Variants in PHKA1 observed in about 807,000 individuals in gnomAD.
PHKA1 encodes the protein phosphorylase b kinase regulatory subunit alpha, skeletal muscle isoform.
In PHKA1, 60 loss-of-function variants were observed where a neutral mutation model predicts 110.2. The observed-to-expected ratio is 0.54, with a 90% CI of 0.44 to 0.68. PHKA1 has a LOEUF of 0.68. PHKA1 is among the 30% of genes least tolerant of loss of function. The pLI, the probability that PHKA1 is intolerant of heterozygous loss-of-function variation, is 0.00. For synonymous variants in PHKA1, 316 were observed against 333.6 expected (o/e 0.95, Z 0.58); for missense variants, 801 against 942.5 (o/e 0.85, Z 1.97).
intron 3 of PHKA1, among the ~76,000 whole-genome samples, chrX:72,704,716 A>T (rs2054254774): frequency 1.8e-5 from 2 of 110,942 alleles, no homozygotes; most frequent in South Asian, 7.7e-4. Flanking sequence ...CGCTAACCCC[A>T]AGTAGCTGGG....
chrX:72,675,435 CT>C (rs1221394999), intron 6 of PHKA1, among the ~76,000 whole-genome samples: 12 of 110,562 alleles, frequency 1.1e-4, no homozygotes, highest in Admixed American at 1.9e-4. Flanking sequence ...TATTAGAGCT[CT>C]TATAGACAGC....
intron 17 of PHKA1, among the ~76,000 whole-genome samples, chrX:72,624,921 A>G (rs1338178708): frequency 2.7e-5 from 3 of 111,995 alleles, no homozygotes; most frequent in Non-Finnish European, 5.6e-5. Context: ...AACTCTCATG[A>G]AAGATTGACA....
At chrX:72,657,258 G>A (rs181877837) in intron 9 of PHKA1, among the ~76,000 whole-genome samples, 1 of 112,132 alleles carries the variant, frequency 8.9e-6, no homozygotes, top group African/African-American at 3.2e-5. Flanking sequence ...AAATATTTTG[G>A]GAGAGATACT....
chrX:72,621,416 A>G (rs1037389780), intron 18 of PHKA1, among the ~76,000 whole-genome samples: 1 of 111,845 alleles, frequency 8.9e-6, no homozygotes, highest in Non-Finnish European at 1.9e-5. Context: ...AGTGGTGAAG[A>G]GGATGGATAT....
chrX:72,618,363 T>A (rs1049185694), intron 21 of PHKA1, among the ~76,000 whole-genome samples: 3 of 111,874 alleles, frequency 2.7e-5, no homozygotes, highest in Non-Finnish European at 5.6e-5. Flanking sequence ...ATATTCTTAC[T>A]TTTCTTGAGT....
intron 2 of PHKA1, among the ~76,000 whole-genome samples, chrX:72,706,801 C>T (rs781969336): frequency 9.0e-6 from 1 of 111,730 alleles, no homozygotes; most frequent in East Asian, 2.8e-4. Context: ...TCTAGCCCCA[C>T]TACTCCCATC....
intron 6 of PHKA1, among the ~76,000 whole-genome samples, chrX:72,672,233 C>T (rs1280206935): frequency 8.9e-6 from 1 of 112,021 alleles, no homozygotes; most frequent in Admixed American, 9.4e-5. Context: ...ATAAAGAACA[C>T]CCCAGGCCTG....
At chrX:72,585,905 A>G (rs1199816176) in intron 29 of PHKA1, among the ~76,000 whole-genome samples, 1 of 112,249 alleles carries the variant, frequency 8.9e-6, no homozygotes, top group Non-Finnish European at 1.9e-5. Context: ...GAGTAGGTAA[A>G]CAAAGCTGCC....
chrX:72,659,920 CTATT>C (rs1556303334), intron 8 of PHKA1, among the ~76,000 whole-genome samples: 1 of 112,164 alleles, frequency 8.9e-6, no homozygotes, highest in African/African-American at 3.2e-5. Context: ...CAATAAAACT[CTATT>C]TATAACAACA....
At chrX:72,595,676 C>T (rs1603252388) in intron 28 of PHKA1, among the ~76,000 whole-genome samples, 1 of 111,551 alleles carries the variant, frequency 9.0e-6, no homozygotes, top group Non-Finnish European at 1.9e-5. Context: ...AAATAGCCAC[C>T]ACACACATGT....
intron 13 of PHKA1, 23 bp downstream of exon 13, chrX:72,650,367 C>A: frequency 1.7e-6 from 2 of 1,164,435 alleles, no homozygotes; most frequent in Non-Finnish European, 2.3e-6. Context: ...AAAGTTTCTT[C>A]CACTGGGAAT....
At chrX:72,593,375 C>A in intron 28 of PHKA1, 101 bp from the exon 29 acceptor site, 1 of 628,420 alleles carries the variant, frequency 1.6e-6, no homozygotes, top group South Asian at 2.5e-5. Context: ...CTCGCTCTGT[C>A]GCCCAGGCTG....
At chrX:72,690,008 T>A (rs1437543725) in intron 4 of PHKA1, among the ~76,000 whole-genome samples, 1 of 112,267 alleles carries the variant, frequency 8.9e-6, no homozygotes, top group Non-Finnish European at 1.9e-5. Context: ...TATCTGAACA[T>A]CTTTTTGGAG....
intron 5 of PHKA1, among the ~76,000 whole-genome samples, chrX:72,682,343 G>A (rs1303676972): frequency 8.5e-5 from 9 of 106,269 alleles, no homozygotes; most frequent in Admixed American, 7.8e-4. Context: ...GAGGTGGGGG[G>A]GTCAGCCCCC....
At chrX:72,648,056 A>G (rs998674754) in intron 13 of PHKA1, among the ~76,000 whole-genome samples, 1 of 111,806 alleles carries the variant, frequency 8.9e-6, no homozygotes, top group African/African-American at 3.3e-5. Flanking sequence ...ACTACAAAAT[A>G]CTGCAGAATA....
At chrX:72,675,991 C>A in intron 6 of PHKA1, 79 bp downstream of exon 6, 1 of 696,869 alleles carries the variant, frequency 1.4e-6, no homozygotes, top group South Asian at 2.2e-5. Context: ...GGTCCACAGT[C>A]ACATTAAGTT....
At chrX:72,677,297 A>G (rs1040104724) in intron 5 of PHKA1, among the ~76,000 whole-genome samples, 22 of 112,327 alleles carry the variant, frequency 2.0e-4, no homozygotes, top group Admixed American at 9.4e-5. Context: ...TACTGGTGAT[A>G]TTAACCCTCA....
intron 2 of PHKA1, among the ~76,000 whole-genome samples, chrX:72,709,652 C>G (rs899754307): frequency 9.1e-6 from 1 of 110,341 alleles, no homozygotes; most frequent in Non-Finnish European, 1.9e-5. Flanking sequence ...TAAAATCACC[C>G]GGGTAGTTTT....
At chrX:72,642,446 A>G (rs994874497) in intron 14 of PHKA1, among the ~76,000 whole-genome samples, 1 of 112,077 alleles carries the variant, frequency 8.9e-6, no homozygotes, top group Admixed American at 9.5e-5. Context: ...AAGAGTTACA[A>G]AGAAGGTGAC....
Sources: allele counts gnomAD v4.1 joint callset (sites outside exome capture counted in the v4.1 genomes callset), GRCh38; gene constraint gnomAD v4.1.1; transcripts MANE v1.5; gene names NCBI Gene and HGNC (gene_info 2026-07-23, HGNC 2026-07-21).